The following SYK variants were observed in gnomAD, a reference collection of about 807,000 sequenced individuals.
SYK encodes the protein spleen associated tyrosine kinase.
Under a neutral mutation model 77.8 loss-of-function variants are expected in SYK, and 16 were observed. The observed-to-expected ratio is 0.21, with a 90% CI of 0.14 to 0.31. SYK has a LOEUF of 0.31. Among genes scored for constraint, SYK ranks in the 10% least tolerant of loss-of-function variants. The pLI is 1.00. For missense variants in SYK, 529 were observed against 814.4 expected (o/e 0.65, Z 4.26); for synonymous variants, 312 against 308.7 (o/e 1.01, Z -0.11).
At chr9:90,802,615 C>T (rs937152160) in intron 1 of SYK, among the ~76,000 whole-genome samples, 1 of 151,998 alleles carries the variant, frequency 6.6e-6, no homozygotes, top group African/African-American at 2.4e-5. Flanking sequence ...GCTCCAAAAC[C>T]TTAAGCCCAC....
rs865783333 is a variant in SYK, at chr9:90,844,305, G to A, written c.407G>A (p.Trp136Ter). ...ATCAGGGAATATGTGAAGCAGACAT[G>A]GAACCTGCAGGTGGGCCACAGCTGG... is the stretch of plus-strand genomic sequence containing the variant. ...NLIREYVKQT[W>*]NLQGQALEQA... is the part of the protein sequence containing the mutation. The change falls in exon 2 of 14, where the codon TGG becomes TAG. Residue 136 changes from tryptophan (W) to a stop codon, truncating the protein, a stop_gained. Coordinates refer to ENST00000375754, the MANE Select transcript of SYK (RefSeq NM_003177.7). LOFTEE classifies it high-confidence loss of function. The A allele has an allele frequency of 6.2e-7, 1 of 1,604,364 alleles. No individual in the cohort carries two copies. Among genetic ancestry groups the A allele is most frequent in the Non-Finnish European group, 8.5e-7 (1 of 1,175,048 alleles).
intron 6 of SYK, among the ~76,000 whole-genome samples, chr9:90,865,897 T>TTTTC (rs1827468910): frequency 8.1e-6 from 1 of 123,270 alleles, no homozygotes; most frequent in African/African-American, 3.2e-5. Flanking sequence ...TGGCCTTTTT[T>TTTTC]TTTTTTTTTT....
At chr9:90,868,418 A>G (rs1162887981) in intron 7 of SYK, among the ~76,000 whole-genome samples, 1 of 152,104 alleles carries the variant, frequency 6.6e-6, no homozygotes, top group East Asian at 1.9e-4. Flanking sequence ...TAACAACCAT[A>G]ACATCATCAA....
intron 3 of SYK, among the ~76,000 whole-genome samples, chr9:90,857,198 CCA>C (rs1386519402): frequency 2.0e-5 from 3 of 152,346 alleles, no homozygotes; most frequent in South Asian, 4.1e-4. Context: ...GCCTCCTTTG[CCA>C]CAACAAAAAC....
At position 90,877,706 on chromosome 9, in the gene SYK, C is replaced by T. The variant is rs202191431; in HGVS notation, c.1317C>T (p.Cys439=). The change falls in exon 10 of 14, where the codon TGC becomes TGT. Residue 439 remains cysteine, a synonymous_variant. Transcript: ENST00000375754. The part of the protein sequence containing the change: ...NPYIVRMIGI[C]EAESWMLVME... ...ACATCGTGCGGATGATCGGGATATG[C>T]GAGGCCGAGTCCTGGATGCTGGTTA... is the stretch of plus-strand genomic sequence containing the variant. 1.4e-4 allele frequency: 225 copies of T among 1,614,064 alleles called. No homozygotes were observed. The highest frequency in any genetic ancestry group is 1.7e-4 in the Non-Finnish European group (202 of 1,180,028).
At chr9:90,891,784 G>A (rs989811079) in intron 13 of SYK, among the ~76,000 whole-genome samples, 2 of 152,100 alleles carry the variant, frequency 1.3e-5, no homozygotes, top group African/African-American at 4.8e-5. Flanking sequence ...ACTCAGAAGC[G>A]CCAAGGGCTG....
rs532721522 is a variant in SYK at position 90,884,575 on chromosome 9, A to G, written c.1582-3174A>G. Reference sequence around the variant, plus strand: ...CATACACATATGTGTACATGTACATACATACACATACACATATGTGTACAT... The same window carrying G: ...CATACACATATGTGTACATGTACATGCATACACATACACATATGTGTACAT... On this transcript the variant is annotated intron_variant, in intron 11 of 13. Transcript: ENST00000375754. Among the ~76,000 whole-genome samples the G allele has an allele frequency of 9.3e-5, 8 of 86,286 alleles. 2 individuals carry two copies. Among genetic ancestry groups the G allele is most frequent in the Non-Finnish European group, 1.9e-4 (8 of 42,672 alleles). 56.6% of individuals were successfully genotyped at this position (86,286 alleles called of 152,430 possible).
At chr9:90,834,976 C>T (rs537824443) in intron 1 of SYK, among the ~76,000 whole-genome samples, 16 of 152,166 alleles carry the variant, frequency 1.1e-4, no homozygotes, top group African/African-American at 2.9e-4. Context: ...TATCTGGAGA[C>T]GATGTTTGGC....
intron 1 of SYK, among the ~76,000 whole-genome samples, chr9:90,828,270 G>A (rs918055300): frequency 5.3e-4 from 46 of 86,390 alleles, no homozygotes; most frequent in Non-Finnish European, 8.7e-4. Flanking sequence ...CTTCACAGCT[G>A]AGTAGGAAAG....
At chr9:90,810,056 G>A (rs778368125) in intron 1 of SYK, among the ~76,000 whole-genome samples, 3 of 152,076 alleles carry the variant, frequency 2.0e-5, no homozygotes, top group South Asian at 2.1e-4. Flanking sequence ...GGTATTCCCC[G>A]GAGCTTGTTT....
At chr9:90,822,966 A>G (rs912758691) in intron 1 of SYK, among the ~76,000 whole-genome samples, 2 of 152,218 alleles carry the variant, frequency 1.3e-5, no homozygotes, top group Non-Finnish European at 2.9e-5. Flanking sequence ...TGGCCCTGGC[A>G]TGGGAGGGAA....
intron 1 of SYK, among the ~76,000 whole-genome samples, chr9:90,802,472 A>T (rs1378232350): frequency 2.0e-5 from 3 of 152,238 alleles, no homozygotes; most frequent in Admixed American, 2.0e-4. Flanking sequence ...TCTTGTGGAT[A>T]CATTTTCATT....
intron 11 of SYK, among the ~76,000 whole-genome samples, chr9:90,883,765 C>A (rs1245969066): frequency 6.6e-6 from 1 of 152,086 alleles, no homozygotes; most frequent in Non-Finnish European, 1.5e-5. Context: ...ACCATTACTG[C>A]CATCACCCAC....
chr9:90,876,121 A>C (rs2126052), intron 9 of SYK, among the ~76,000 whole-genome samples: 47,245 of 151,708 alleles, frequency 0.31, 8,013 homozygotes, highest in East Asian at 0.6. Flanking sequence ...CCTCGTCTCC[A>C]CTAAAAATAC....
chr9:90,864,718 C>A, intron 5 of SYK, 51 bp downstream of exon 5: 1 of 1,537,122 alleles, frequency 6.5e-7, no homozygotes, highest in South Asian at 1.1e-5. Flanking sequence ...CAGTGACAAT[C>A]AGCCTCATTT....
chr9:90,888,412 A>T (rs1393452244), intron 12 of SYK, 103 bp from the exon 13 acceptor site: 1 of 808,602 alleles, frequency 1.2e-6, no homozygotes, highest in African/African-American at 1.8e-5. Context: ...TATAATTGAA[A>T]TCATACAATG....
intron 3 of SYK, among the ~76,000 whole-genome samples, chr9:90,854,545 T>G (rs1191136821): frequency 6.6e-6 from 1 of 152,180 alleles, no homozygotes; most frequent in Non-Finnish European, 1.5e-5. Context: ...GTACATGATC[T>G]CTTGGGACCC....
chr9:90,828,235 G>GCAC (rs1554706462), intron 1 of SYK, among the ~76,000 whole-genome samples: 1 of 55,420 alleles, frequency 1.8e-5, no homozygotes, highest in African/African-American at 6.7e-5. Context: ...CCTCACCCCC[G>GCAC]CCCCCCCCCC....
At chr9:90,880,080 G>C (rs1043485973) in intron 11 of SYK, among the ~76,000 whole-genome samples, 2 of 152,240 alleles carry the variant, frequency 1.3e-5, no homozygotes, top group Non-Finnish European at 2.9e-5. Context: ...CACATGCTCA[G>C]AAATAGATGG....
Sources: gnomAD v4.1 joint callset for allele counts (sites outside exome capture counted in the v4.1 genomes callset) on GRCh38, gnomAD v4.1.1 for gene constraint, MANE v1.5 for transcripts, NCBI Gene and HGNC (gene_info 2026-07-23, HGNC 2026-07-21) for gene names.